The following AMMECR1 variants were observed in gnomAD, a reference collection of about 807,000 sequenced individuals.
AMMECR1 encodes the protein nuclear protein AMMECR1.
In AMMECR1, 3 loss-of-function variants were observed where a neutral mutation model predicts 22.5. The ratio of observed to expected loss-of-function variants is 0.13; its 90% CI spans 0.06 to 0.35. The LOEUF (loss-of-function observed/expected upper bound fraction) is 0.35. Among genes scored for constraint, AMMECR1 ranks in the 10% least tolerant of loss-of-function variants. The probability of loss-of-function intolerance (pLI) is 1.00; values close to 1 mark genes in which losing one functional copy is unlikely to be tolerated. For missense variants in AMMECR1, 235 were observed against 278.7 expected, an observed-to-expected ratio of 0.84 and a Z score of 1.12; for synonymous variants, 130 against 116.7, an observed-to-expected ratio of 1.11 and a Z score of -0.74.
intron 1 of AMMECR1, among the ~76,000 whole-genome samples, chrX:110,439,220 T>G (rs2068861761): frequency 8.9e-6 from 1 of 111,939 alleles, no homozygotes; most frequent in Admixed American, 9.4e-5. Context: ...CCAGAGACAA[T>G]GTCCTCTCTC....
At chrX:110,357,939 C>G (rs2068238862) in intron 2 of AMMECR1, among the ~76,000 whole-genome samples, 2 of 111,470 alleles carry the variant, frequency 1.8e-5, no homozygotes, top group Non-Finnish European at 3.8e-5. Context: ...ATAACTTTTG[C>G]AAAATATACT....
chrX:110,356,662 C>T (rs2068231910), intron 2 of AMMECR1, among the ~76,000 whole-genome samples: 1 of 109,366 alleles, frequency 9.1e-6, no homozygotes, highest in Non-Finnish European at 1.9e-5. Context: ...CACATTGTAC[C>T]ATATATATAT....
chrX:110,262,424 A>C (rs1445115602), intron 2 of AMMECR1, among the ~76,000 whole-genome samples: 3 of 112,150 alleles, frequency 2.7e-5, no homozygotes, highest in South Asian at 3.7e-4. Context: ...ATGAAAAGTA[A>C]ACAGGAAGAG....
chrX:110,196,688 T>C lies in AMMECR1; in HGVS notation c.*1832A>G, dbSNP rs766461768. On this transcript the variant is annotated 3_prime_UTR_variant, in exon 6 of 6. Coordinates refer to ENST00000262844, the MANE Select transcript of AMMECR1 (RefSeq NM_015365.3). ...GTTAAGGCATCACAACTGAAAATGG[T>C]TATTTCAACAATGGATGCTGTGGAT... 8.9e-6 allele frequency: 1 copy of C among 111,938 alleles called. No homozygotes were observed. Among genetic ancestry groups the C allele is most frequent in the East Asian group, 2.8e-4 (1 of 3,575 alleles). The allele number at this position is 111,938 out of a possible 1,213,427, so 9.2% of individuals were successfully genotyped here. A position where few individuals can be genotyped will look rare whatever the true frequency, so the allele number is the denominator to read the frequency against.
At chrX:110,259,168 C>A (rs911156306) in intron 2 of AMMECR1, among the ~76,000 whole-genome samples, 1 of 111,445 alleles carries the variant, frequency 9.0e-6, no homozygotes, top group African/African-American at 3.3e-5. Flanking sequence ...AATCCCCCCT[C>A]AAACTCCCCT....
At chrX:110,387,769 A>G (rs957986748) in intron 2 of AMMECR1, among the ~76,000 whole-genome samples, 1 of 110,215 alleles carries the variant, frequency 9.1e-6, no homozygotes, top group African/African-American at 3.3e-5. Flanking sequence ...GTCTGGATGC[A>G]TATTGTTTAG....
In AMMECR1 at chrX:110,355,050, T is replaced by C. The variant is rs112361004; in HGVS notation, c.-147-37201A>G. On this transcript the variant is annotated intron_variant, in intron 2 of 7. Transcript: ENST00000372057. ...TTTGCACAGCAGATGAAACAATTAA[T>C]AGAGTGAAGGGACAGCTCACAGATT... Among the ~76,000 whole-genome samples the C allele has an allele frequency of 4.8e-3, 533 of 111,977 alleles. 5 individuals carry two copies. The highest frequency in any genetic ancestry group is 0.016 in the African/African-American group (485 of 30,794).
intron 2 of AMMECR1, among the ~76,000 whole-genome samples, chrX:110,263,929 C>T (rs1269283401): frequency 8.9e-6 from 1 of 111,859 alleles, no homozygotes; most frequent in African/African-American, 3.2e-5. Flanking sequence ...TTTTAAACAA[C>T]TGTAATGAGG....
intron 1 of AMMECR1, among the ~76,000 whole-genome samples, chrX:110,311,467 T>C (rs986996046): frequency 8.9e-6 from 1 of 111,975 alleles, no homozygotes; most frequent in Non-Finnish European, 1.9e-5. Flanking sequence ...TTTTCTGGTT[T>C]CCAACCATGA....
At chrX:110,238,012 A>T (rs2067610243) in intron 2 of AMMECR1, among the ~76,000 whole-genome samples, 1 of 111,683 alleles carries the variant, frequency 9.0e-6, no homozygotes, top group Non-Finnish European at 1.9e-5. Flanking sequence ...AAAGAGAATA[A>T]ATTATTTCCA....
intron 1 of AMMECR1, among the ~76,000 whole-genome samples, chrX:110,275,307 C>T (rs773674433): frequency 9.1e-6 from 1 of 109,480 alleles, no homozygotes; most frequent in Non-Finnish European, 1.9e-5. Context: ...ATATATTTCA[C>T]CTTCATTTCT....
rs893454535 is a variant in AMMECR1 at position 110,297,810 on chromosome X, C to T, written c.473+19789G>A. Among the ~76,000 whole-genome samples, 7 of 111,009 alleles carry T rather than the reference C, an allele frequency of 6.3e-5. No individual in the cohort carries two copies. In the Admixed American group the frequency reaches 6.7e-4, roughly 11 times the overall value. On this transcript the variant is annotated intron_variant, in intron 1 of 5. Coordinates refer to ENST00000262844, the MANE Select transcript of AMMECR1 (RefSeq NM_015365.3). ...GTATTGGTGTCTTCCTAAAAGGCAT[C>T]AGCTCTTAAAATTGCCCAACAAAAT...
chrX:110,311,692 C>T (rs2068024193), intron 1 of AMMECR1, among the ~76,000 whole-genome samples: 1 of 112,210 alleles, frequency 8.9e-6, no homozygotes, highest in African/African-American at 3.2e-5. Context: ...ACCAACTATA[C>T]TATTACACTG....
chrX:110,339,488 T>A (rs959788806), intron 2 of AMMECR1, among the ~76,000 whole-genome samples: 20 of 109,458 alleles, frequency 1.8e-4, no homozygotes, highest in African/African-American at 6.6e-4. Flanking sequence ...TTATTTATTT[T>A]TATTTTTATT....
chrX:110,413,656 T>C (rs1283216735), intron 2 of AMMECR1, among the ~76,000 whole-genome samples: 2 of 109,142 alleles, frequency 1.8e-5, no homozygotes, highest in Non-Finnish European at 3.8e-5. Context: ...AGCCTTACCA[T>C]GCTTCATCAT....
chrX:110,210,535 ACT>A (rs1227461697), intron 3 of AMMECR1, among the ~76,000 whole-genome samples: 2 of 111,551 alleles, frequency 1.8e-5, no homozygotes, highest in Non-Finnish European at 3.8e-5. Context: ...ATGAATGGGA[ACT>A]CTGTTTTCAA....
At chrX:110,342,613 G>A (rs1309673393) in intron 2 of AMMECR1, among the ~76,000 whole-genome samples, 2 of 111,451 alleles carry the variant, frequency 1.8e-5, no homozygotes, top group Non-Finnish European at 3.8e-5. Context: ...TTCATGATCT[G>A]CTTGCCTTGG....
chrX:110,387,516 C>T (rs1296530799), intron 2 of AMMECR1, among the ~76,000 whole-genome samples: 1 of 112,183 alleles, frequency 8.9e-6, no homozygotes, highest in Non-Finnish European at 1.9e-5. Context: ...TTGAGACTTC[C>T]TAGAATCATA....
At chrX:110,322,931 G>A (rs1172094759), upstream of AMMECR1, among the ~76,000 whole-genome samples, 2 of 111,433 alleles carry the variant, frequency 1.8e-5, no homozygotes, top group Non-Finnish European at 3.8e-5. Context: ...TCCTCCATCT[G>A]GCCCCTGACG....
Sources: gnomAD v4.1 joint callset for allele counts (sites outside exome capture counted in the v4.1 genomes callset) on GRCh38, gnomAD v4.1.1 for gene constraint, MANE v1.5 for transcripts, NCBI Gene and HGNC (gene_info 2026-07-23, HGNC 2026-07-21) for gene names.